The following TMED7 variants were observed in gnomAD, a reference collection of about 807,000 sequenced individuals.
The protein encoded by TMED7 is transmembrane emp24 domain-containing protein 7.
Under a neutral mutation model 23.4 loss-of-function variants are expected in TMED7, and 8 were observed. The observed-to-expected ratio is 0.34, with a 90% confidence interval of 0.20 to 0.62. TMED7 has a LOEUF of 0.62. TMED7 is among the 20% of genes least tolerant of loss of function. TMED7 has a pLI of 0.77. For missense variants in TMED7, 232 were observed against 279.1 expected, an observed-to-expected ratio of 0.83 and a Z score of 1.20; for synonymous variants, 121 against 108.5, an observed-to-expected ratio of 1.12 and a Z score of -0.72.
In TMED7 at chr5:115,613,487, A is replaced by G. The variant is rs555230276; in HGVS notation, c.*2722T>C. On this transcript the variant is annotated 3_prime_UTR_variant, in exon 3 of 3. Coordinates refer to ENST00000456936, the MANE Select transcript of TMED7 (RefSeq NM_181836.6). Reference sequence around the variant, plus strand: ...TTTAGAAAGATTTAAATCCTGACAGAAACAAGTAAAGTCAGTTTGTTGAAA... The same window carrying G: ...TTTAGAAAGATTTAAATCCTGACAGGAACAAGTAAAGTCAGTTTGTTGAAA... 4 of 152,332 alleles carry G rather than the reference A, an allele frequency of 2.6e-5. No individual in the cohort carries two copies. The highest frequency in any genetic ancestry group is 2.0e-4 in the Admixed American group (3 of 15,300). 9.4% of individuals were successfully genotyped at this position (152,332 alleles called of 1,614,324 possible). A position where few individuals can be genotyped will look rare whatever the true frequency, so the allele number is the denominator to read the frequency against.
intron 1 of TMED7, among the ~76,000 whole-genome samples, chr5:115,624,878 TGA>T (rs1426671778): frequency 6.6e-6 from 1 of 152,158 alleles, no homozygotes; most frequent in Non-Finnish European, 1.5e-5. Context: ...AAAAGCAGGG[TGA>T]GAGGGGAATC....
chr5:115,616,078 G>T lies in TMED7; in HGVS notation c.*131C>A. ...TTTCCACAGTTTGGGAATATGCATT[G>T]TACATCCCTCCCAACAAGTGTATGA... On this transcript the variant is annotated 3_prime_UTR_variant, in exon 3 of 3. Coordinates refer to ENST00000456936, the MANE Select transcript of TMED7 (RefSeq NM_181836.6). The T allele has an allele frequency of 2.2e-6, 2 of 897,634 alleles. No individual in the cohort carries two copies. Among genetic ancestry groups the T allele is most frequent in the South Asian group, 1.6e-5 (1 of 60,628 alleles). The allele number at this position is 897,634 out of a possible 1,614,324, so 55.6% of individuals were successfully genotyped here.
chr5:115,617,909 T>C lies in TMED7; in HGVS notation c.439-1464A>G, dbSNP rs575817804. ...CCTAGGTTCAAGTGATTCTCCTGCC[T>C]CAGCCTCCTGAGTAGCTGGGATTAC... On this transcript the variant is annotated intron_variant, in intron 2 of 2. Transcript: ENST00000456936. Among the ~76,000 whole-genome samples, 8 of 152,332 alleles carry C rather than the reference T, an allele frequency of 5.3e-5. No individual in the cohort carries two copies. The East Asian group carries it at 1.5e-3, about 29-fold the overall frequency.
At chr5:115,616,475 G>T (rs1756752080) in intron 2 of TMED7, 30 bp from the exon 3 acceptor site, 3 of 1,613,440 alleles carry the variant, frequency 1.9e-6, no homozygotes, top group Non-Finnish European at 2.5e-6. Context: ...GTCAGTATGT[G>T]TGATACTTTC....
Position 115,616,372 on chromosome 5 carries a change from C to T in TMED7, c.512G>A (p.Arg171Lys), listed in dbSNP as rs1430934574. ...VIDYQTHFRLREAQGRSRAED... is the reference protein window; with the variant it reads ...VIDYQTHFRLKEAQGRSRAED... The stretch of plus-strand genomic sequence containing the variant: ...TGCTCGGCTTCGGCCTTGAGCTTCT[C>T]TTAAACGGAAATGAGTCTGATAATC... The change falls in exon 3 of 3, where the codon AGA becomes AAA. Residue 171 changes from arginine to lysine, a missense_variant. Physicochemically the swap from Arg to Lys is conservative, Grantham distance 26. Coordinates refer to ENST00000456936, the MANE Select transcript of TMED7 (RefSeq NM_181836.6). 1.2e-6 allele frequency: 2 copies of T among 1,614,078 alleles called. No homozygotes were observed. The highest frequency in any genetic ancestry group is 3.3e-5 in the Admixed American group (2 of 60,008).
intron 2 of TMED7, among the ~76,000 whole-genome samples, chr5:115,618,318 A>C (rs1309530360): frequency 6.6e-6 from 1 of 152,224 alleles, no homozygotes; most frequent in Non-Finnish European, 1.5e-5. Context: ...TTTTAAAAAC[A>C]TAACCCCAAT....
intron 2 of TMED7, 112 bp downstream of exon 2, chr5:115,620,323 A>T: frequency 7.7e-7 from 1 of 1,296,082 alleles, no homozygotes; most frequent in Non-Finnish European, 9.9e-7. Context: ...GATAGATTTT[A>T]AAGACTGTCA....
chr5:115,621,074 A>G (rs1308359949), intron 1 of TMED7, among the ~76,000 whole-genome samples: 1 of 152,194 alleles, frequency 6.6e-6, no homozygotes, highest in African/African-American at 2.4e-5. Context: ...CTCCAAAGTC[A>G]TATTCTTAAC....
chr5:115,620,358 T>C, intron 2 of TMED7, 77 bp downstream of exon 2: 1 of 1,365,710 alleles, frequency 7.3e-7, no homozygotes, highest in Non-Finnish European at 9.5e-7. Context: ...TGCTCATCAG[T>C]TAGTGCATGA....
At chr5:115,625,043 A>G (rs1757153700) in intron 1 of TMED7, among the ~76,000 whole-genome samples, 1 of 152,262 alleles carries the variant, frequency 6.6e-6, no homozygotes, top group African/African-American at 2.4e-5. Flanking sequence ...ACATTCTGTT[A>G]AAGTTTCTTT....
At position 115,616,089 on chromosome 5, in the gene TMED7, C is replaced by A; in HGVS notation, c.*120G>T. 1.0e-6 allele frequency: 1 copy of A among 973,484 alleles called. No individual in the cohort carries two copies. The allele number at this position is 973,484 out of a possible 1,614,324, so 60.3% of individuals were successfully genotyped here. Reference sequence around the variant, plus strand: ...TGGGAATATGCATTGTACATCCCTCCCAACAAGTGTATGAGTAAGGATTTA... The same window carrying A: ...TGGGAATATGCATTGTACATCCCTCACAACAAGTGTATGAGTAAGGATTTA... On this transcript the variant is annotated 3_prime_UTR_variant, in exon 3 of 3. Transcript: ENST00000456936.
chr5:115,618,150 T>C (rs1034263007), intron 2 of TMED7, among the ~76,000 whole-genome samples: 6 of 152,196 alleles, frequency 3.9e-5, no homozygotes, highest in East Asian at 3.8e-4. Context: ...TTCAAAAGTA[T>C]TGAGAAAAGT....
In TMED7 at chr5:115,613,608, T is replaced by C. The variant is rs371023364; in HGVS notation, c.*2601A>G. The C allele has an allele frequency of 1.1e-4, 16 of 152,372 alleles. No homozygotes were observed. In the East Asian group the frequency reaches 2.1e-3, roughly 20 times the overall value. The allele number at this position is 152,372 out of a possible 1,614,324, so 9.4% of individuals were successfully genotyped here. On this transcript the variant is annotated 3_prime_UTR_variant, in exon 3 of 3. Coordinates refer to ENST00000456936, the MANE Select transcript of TMED7 (RefSeq NM_181836.6). Reference sequence around the variant, plus strand: ...GAAAAACCCCTCTGAATTATTTATATATTAATTTTTTGAAAACAATAGTCA... The same window carrying C: ...GAAAAACCCCTCTGAATTATTTATACATTAATTTTTTGAAAACAATAGTCA...
chr5:115,620,025 T>C (rs1008701380), intron 2 of TMED7: 1 of 153,930 alleles, frequency 6.5e-6, no homozygotes, highest in Non-Finnish European at 1.4e-5. Context: ...GGCTATGATA[T>C]GGTATTATTT....
Position 115,625,985 on chromosome 5 carries a change from G to C in TMED7, c.-193C>G. The C allele has an allele frequency of 1.4e-6, 1 of 722,034 alleles. No individual in the cohort carries two copies. Among genetic ancestry groups the C allele is most frequent in the Non-Finnish European group, 1.9e-6 (1 of 516,536 alleles). The allele number at this position is 722,034 out of a possible 1,614,324, so 44.7% of individuals were successfully genotyped here. ...GTGAGGGGCGCAGACGGGCGGACCT[G>C]GGGAGGTAAAAGAGAAGCGGAAAAG... On this transcript the variant is annotated 5_prime_UTR_variant, in exon 1 of 3. Transcript: ENST00000456936.
intron 1 of TMED7, 76 bp downstream of exon 1, chr5:115,625,525 A>C: frequency 2.2e-6 from 3 of 1,378,840 alleles, no homozygotes; most frequent in Admixed American, 3.4e-5. Context: ...ACGGACAGGA[A>C]AGTGCCATCC....
rs1462685992 is a variant in TMED7, at chr5:115,614,470, A to G, written c.*1739T>C. The G allele has an allele frequency of 1.3e-5, 2 of 152,586 alleles. No homozygotes were observed. Among genetic ancestry groups the G allele is most frequent in the East Asian group, 3.8e-4 (2 of 5,198 alleles). 9.5% of individuals were successfully genotyped at this position (152,586 alleles called of 1,614,324 possible). Reference sequence around the variant, plus strand: ...GCCCATGCTGATCAATCACATTAACATCAGTGCTTACAACTTTCAAATTTA... The same window carrying G: ...GCCCATGCTGATCAATCACATTAACGTCAGTGCTTACAACTTTCAAATTTA... On this transcript the variant is annotated 3_prime_UTR_variant, in exon 3 of 3. Transcript: ENST00000456936.
At position 115,625,729 on chromosome 5, in the gene TMED7, G is replaced by A. The variant is rs1435799534; in HGVS notation, c.64C>T (p.Leu22Phe). 3.8e-6 allele frequency: 6 copies of A among 1,590,478 alleles called. No homozygotes were observed. The highest frequency in any genetic ancestry group is 2.7e-5 in the African/African-American group (2 of 73,150). The change falls in exon 1 of 3, where the codon CTC becomes TTC. Residue 22 changes from leucine (L) to phenylalanine (F), a missense_variant. This residue lies in a region of TMED7 where 106 missense variants were observed against 97.0 expected (regional missense o/e 1.09). Coordinates refer to ENST00000456936, the MANE Select transcript of TMED7 (RefSeq NM_181836.6). ...CCAGGCACCAGTAGCAGCAGTGCGA[G>A]CAGCCTGCACCCCCAACGGCCCGCG... ...AVAGRWGCRL[L>F]ALLLLVPGPG...
chr5:115,625,562 C>T, intron 1 of TMED7, 39 bp downstream of exon 1: 3 of 1,490,300 alleles, frequency 2.0e-6, no homozygotes, highest in Non-Finnish European at 2.7e-6. Flanking sequence ...AATCCTGGAG[C>T]CGCGAGTTGG....
Sources: gnomAD v4.1 joint callset for allele counts (sites outside exome capture counted in the v4.1 genomes callset) on GRCh38, gnomAD v4.1.1 for gene constraint, gnomAD v4.1.1 regional missense constraint, MANE v1.5 for transcripts, NCBI Gene and HGNC (gene_info 2026-07-23, HGNC 2026-07-21) for gene names.